Variants in LRCH3 observed in about 807,000 individuals in gnomAD.
LRCH3 encodes the protein DISP complex protein LRCH3.
Under a neutral mutation model 104.5 loss-of-function variants are expected in LRCH3, and 68 were observed. That is an observed-to-expected ratio of 0.65 (90% CI 0.54 to 0.80). The LOEUF (loss-of-function observed/expected upper bound fraction) is 0.80, where lower values mean the gene tolerates loss of function less well. Among genes scored for constraint, LRCH3 ranks in the 30% least tolerant of loss-of-function variants. LRCH3 has a pLI of 0.00. For missense variants in LRCH3, 951 were observed against 953.9 expected (o/e 1.00, Z 0.04); for synonymous variants, 344 against 361.3 (o/e 0.95, Z 0.54).
rs899731327 is a variant in LRCH3 at position 197,881,212 on chromosome 3, G to A, written c.2209-2329G>A. On this transcript the variant is annotated intron_variant, in intron 20 of 20. Coordinates refer to ENST00000425562, the MANE Select transcript of LRCH3 (RefSeq NM_001365715.1). The stretch of plus-strand genomic sequence containing the variant: ...GCCGCACCCGGTTACTTAGATTTCT[G>A]CTTTGAACTGTGTCCTGAGATCCTG... 3.0e-6 allele frequency: 3 copies of A among 1,003,506 alleles called. No individual in the cohort carries two copies. The African/African-American group carries it at 5.2e-5, about 17-fold the overall frequency. 62.2% of individuals were successfully genotyped at this position (1,003,506 alleles called of 1,614,324 possible).
chr3:197,869,700 C>T (rs1388334683), intron 17 of LRCH3, among the ~76,000 whole-genome samples: 1 of 128,984 alleles, frequency 7.8e-6, no homozygotes, highest in East Asian at 2.2e-4. Context: ...AGGTAGAAAG[C>T]GATGCACTGT....
intron 2 of LRCH3, among the ~76,000 whole-genome samples, chr3:197,815,558 A>G (rs1329157182): frequency 6.6e-6 from 1 of 152,202 alleles, no homozygotes; most frequent in Non-Finnish European, 1.5e-5. Context: ...GGATGCCTGT[A>G]ATTAACAAAC....
rs1580791082 is a variant in LRCH3, at chr3:197,847,779, A to G, written c.1381-93A>G. 31 of 1,362,420 alleles carry G rather than the reference A, an allele frequency of 2.3e-5. No homozygotes were observed. The East Asian group carries it at 7.0e-4, about 31-fold the overall frequency. 84.4% of individuals were successfully genotyped at this position (1,362,420 alleles called of 1,614,324 possible). A position where few individuals can be genotyped will look rare whatever the true frequency, so the allele number is the denominator to read the frequency against. ...TAGGTGACTTCAAAGCAAAAGTTGC[A>G]TGGGTCAACAGTAGTTCCCTAAATT... On this transcript the variant is annotated intron_variant, in intron 11 of 20. Coordinates refer to ENST00000425562, the MANE Select transcript of LRCH3 (RefSeq NM_001365715.1).
intron 1 of LRCH3, among the ~76,000 whole-genome samples, chr3:197,805,114 G>T (rs962850390): frequency 6.6e-6 from 1 of 152,168 alleles, no homozygotes. Context: ...GGCTGGTCTC[G>T]AACTCCCGAC....
chr3:197,846,795 A>G (rs543187729), intron 10 of LRCH3, among the ~76,000 whole-genome samples: 2 of 152,358 alleles, frequency 1.3e-5, no homozygotes, highest in Middle Eastern at 3.4e-3. Flanking sequence ...GACTTGAGCA[A>G]TGAAATCTGT....
rs1560593448 is a variant in LRCH3 at position 197,864,999 on chromosome 3, CAAAAAA to C, written c.1717-422_1717-417del. On this transcript the variant is annotated intron_variant, in intron 15 of 20. Transcript: ENST00000425562. ...GGGCAACAAGAGTGAGACCTTGTCTCAAAAAAAGAGAGAGAGAGGGAGAGAGAGAGT... is the reference window on the plus strand; with the variant it reads ...GGGCAACAAGAGTGAGACCTTGTCTCAGAGAGAGAGAGGGAGAGAGAGAGT... Among the ~76,000 whole-genome samples the C allele has an allele frequency of 2.0e-5, 3 of 151,774 alleles. No homozygotes were observed. In the South Asian group the frequency reaches 6.2e-4, roughly 32 times the overall value.
chr3:197,799,003 AC>A (rs1325234250), intron 1 of LRCH3, among the ~76,000 whole-genome samples: 1 of 152,188 alleles, frequency 6.6e-6, no homozygotes, highest in African/African-American at 2.4e-5. Context: ...GTTAGACAGT[AC>A]GTTAGACTCC....
chr3:197,862,401 TA>T (rs1560590676), intron 15 of LRCH3, among the ~76,000 whole-genome samples: 1 of 151,586 alleles, frequency 6.6e-6, no homozygotes, highest in African/African-American at 2.4e-5. Context: ...TTTTATTCCT[TA>T]ATACTTTTAA....
intron 1 of LRCH3, among the ~76,000 whole-genome samples, chr3:197,808,755 T>G (rs1732780741): frequency 1.3e-5 from 2 of 151,932 alleles, no homozygotes; most frequent in African/African-American, 4.8e-5. Context: ...TCTCCAAAAA[T>G]TAGCTGGGCA....
rs2109252943 is a variant in LRCH3, at chr3:197,826,424, T to C, written c.641-454T>C. 1.3e-5 allele frequency among the ~76,000 whole-genome samples: 2 copies of C among 152,336 alleles called. 1 individual carries two copies. The highest frequency in any genetic ancestry group is 4.1e-4 in the South Asian group (2 of 4,828). ...CCTCCTGACTTTTGTCATCCTATTG[T>C]GCCTGGGATCCCTTAGTTCCGAGCA... On this transcript the variant is annotated intron_variant, in intron 4 of 20. Coordinates refer to ENST00000425562, the MANE Select transcript of LRCH3 (RefSeq NM_001365715.1).
rs1409432217 is a variant in LRCH3 at position 197,791,319 on chromosome 3, A to G, written c.41A>G (p.Glu14Gly). ...AGLVAVAAAA[E>G]YSGTVASGGN... is the part of the protein sequence containing the mutation. ...TTGGTCGCTGTGGCAGCGGCTGCCG[A>G]GTACTCTGGCACGGTAGCGTCGGGA... The change falls in exon 1 of 21, where the codon GAG becomes GGG. Residue 14 changes from glutamate to glycine, a missense_variant. Transcript: ENST00000425562. 1.2e-6 allele frequency: 2 copies of G among 1,609,320 alleles called. No individual in the cohort carries two copies. The highest frequency in any genetic ancestry group is 1.7e-6 in the Non-Finnish European group (2 of 1,178,892).
intron 1 of LRCH3, among the ~76,000 whole-genome samples, chr3:197,805,775 T>G (rs1192187274): frequency 6.6e-6 from 1 of 152,250 alleles, no homozygotes; most frequent in South Asian, 2.1e-4. Flanking sequence ...TTGGAGTTTT[T>G]GGAGAAAATC....
At chr3:197,864,764 A>G (rs1419016941) in intron 15 of LRCH3, among the ~76,000 whole-genome samples, 1 of 134,176 alleles carries the variant, frequency 7.5e-6, no homozygotes, top group Non-Finnish European at 1.6e-5. Flanking sequence ...ACTCATGCCT[A>G]TAATCCAGCA....
intron 3 of LRCH3, 92 bp from the exon 4 acceptor site, chr3:197,820,233 G>A: frequency 1.2e-6 from 1 of 854,038 alleles, no homozygotes. Flanking sequence ...GATACCAGAA[G>A]GTCTCCCAAA....
At chr3:197,853,134 G>T (rs957336825) in intron 13 of LRCH3, among the ~76,000 whole-genome samples, 10 of 151,992 alleles carry the variant, frequency 6.6e-5, no homozygotes, top group African/African-American at 2.4e-4. Flanking sequence ...TGTTTTTCTT[G>T]TAGTTGGCTT....
intron 20 of LRCH3, 133 bp downstream of exon 20, chr3:197,875,908 C>G: frequency 1.7e-6 from 1 of 572,292 alleles, no homozygotes; most frequent in Non-Finnish European, 3.0e-6. Flanking sequence ...CTTTGTGTTA[C>G]AAGAGTCAGT....
At position 197,847,335 on chromosome 3, in the gene LRCH3, T is replaced by C. The variant is rs961735714; in HGVS notation, c.1329-74T>C. Reference sequence around the variant, plus strand: ...GAAAGCTACATTTACAATAAAAATTTCATTTGTTTTTTATGTATCTGTTTG... The same window carrying C: ...GAAAGCTACATTTACAATAAAAATTCCATTTGTTTTTTATGTATCTGTTTG... On this transcript the variant is annotated intron_variant, in intron 10 of 20. Transcript: ENST00000425562. 67 of 1,344,512 alleles carry C rather than the reference T, an allele frequency of 5.0e-5. No individual in the cohort carries two copies. In the East Asian group the frequency reaches 1.5e-3, roughly 30 times the overall value. The allele number at this position is 1,344,512 out of a possible 1,614,324, so 83.3% of individuals were successfully genotyped here.
At chr3:197,792,604 T>TATATATATATATATATATATATATATAAA (rs1553912025) in intron 1 of LRCH3, among the ~76,000 whole-genome samples, 1 of 58,524 alleles carries the variant, frequency 1.7e-5, no homozygotes, top group Non-Finnish European at 3.6e-5. Flanking sequence ...TATATATATA[T>TATATATATATATATATATATATATATAAA]AAAATATACA....
chr3:197,850,351 C>CTTTTTT (rs199876882), intron 12 of LRCH3: 5 of 619,514 alleles, frequency 8.1e-6, no homozygotes, highest in South Asian at 6.2e-5. Context: ...ACCATTTTTT[C>CTTTTTT]TTTTTTTTTT....
Sources: allele counts gnomAD v4.1 joint callset (sites outside exome capture counted in the v4.1 genomes callset), GRCh38; gene constraint gnomAD v4.1.1; transcripts MANE v1.5; gene names NCBI Gene and HGNC (gene_info 2026-07-23, HGNC 2026-07-21).